Variants in RASSF3 observed in about 807,000 individuals in gnomAD.
RASSF3 encodes the protein Ras association domain family member 3, also known as ras association domain-containing protein 3.
In RASSF3, 19 loss-of-function variants were observed where a neutral mutation model predicts 19.9. The ratio of observed to expected loss-of-function variants is 0.96; its 90% CI spans 0.67 to 1.40. The LOEUF (loss-of-function observed/expected upper bound fraction) is 1.40. Among genes scored for constraint, RASSF3 ranks in the 40% most tolerant of loss-of-function variants. The pLI is 0.00. For synonymous variants in RASSF3, 110 were observed against 104.2 expected, an observed-to-expected ratio of 1.06 and a Z score of -0.34; for missense variants, 306 against 289.8, an observed-to-expected ratio of 1.06 and a Z score of -0.41.
chr12:64,665,261 T>C (rs1386803527), intron 1 of RASSF3, among the ~76,000 whole-genome samples: 2 of 152,154 alleles, frequency 1.3e-5, no homozygotes, highest in Non-Finnish European at 2.9e-5. Context: ...TAATTATTAT[T>C]TTGCAAGGCT....
intron 1 of RASSF3, among the ~76,000 whole-genome samples, chr12:64,631,629 T>TGGTGCAA (rs1429836840): frequency 6.6e-6 from 1 of 152,140 alleles, no homozygotes; most frequent in Non-Finnish European, 1.5e-5. Context: ...TGGAGTGCAG[T>TGGTGCAA]GGTGCAATCT....
intron 1 of RASSF3, among the ~76,000 whole-genome samples, chr12:64,625,471 TTCTC>T (rs2136168305): frequency 6.6e-6 from 1 of 152,172 alleles, no homozygotes; most frequent in Non-Finnish European, 1.5e-5. Flanking sequence ...AACTTCCTCT[TTCTC>T]TCTTATCTGC....
chr12:64,639,934 A>G (rs752188414), intron 1 of RASSF3, among the ~76,000 whole-genome samples: 15 of 152,234 alleles, frequency 9.9e-5, no homozygotes, highest in Non-Finnish European at 1.8e-4. Context: ...TTTTGAGGAA[A>G]TGCAACGTGA....
At chr12:64,543,562 C>A (rs1288367051), downstream of RASSF3, among the ~76,000 whole-genome samples, 1 of 107,828 alleles carries the variant, frequency 9.3e-6, no homozygotes, top group Non-Finnish European at 2.2e-5. Context: ...CTGCACGGCC[C>A]GAGCCTCCCC....
At chr12:64,566,925 T>A (rs1393320937) in intron 2 of RASSF3, among the ~76,000 whole-genome samples, 1 of 152,192 alleles carries the variant, frequency 6.6e-6, no homozygotes. Flanking sequence ...GCTGAAGCGA[T>A]TAGGTCCAGA....
In RASSF3 at chr12:64,598,804, A is replaced by C. The variant is rs113014309; in HGVS notation, c.294+57099A>C. Reference sequence around the variant, plus strand: ...TGCACAACGTGCAGGTTTGTTACATATGTATACGTGTACCACGTTGGTGTG... The same window carrying C: ...TGCACAACGTGCAGGTTTGTTACATCTGTATACGTGTACCACGTTGGTGTG... On this transcript the variant is annotated intron_variant, in intron 2 of 5. Transcript: ENST00000637125. Among the ~76,000 whole-genome samples, 1,365 of 151,830 alleles carry C rather than the reference A, an allele frequency of 9.0e-3. 9 individuals are homozygous for C. Among genetic ancestry groups the C allele is most frequent in the Non-Finnish European group, 0.014 (956 of 67,974 alleles).
At chr12:64,548,244 A>G (rs1869102489) in intron 2 of RASSF3, among the ~76,000 whole-genome samples, 1 of 152,182 alleles carries the variant, frequency 6.6e-6, no homozygotes, top group South Asian at 2.1e-4. Flanking sequence ...CAGTGGCGCA[A>G]TCACAGCTCA....
intron 2 of RASSF3, among the ~76,000 whole-genome samples, chr12:64,584,053 T>A (rs1869748585): frequency 6.6e-6 from 1 of 152,214 alleles, no homozygotes; most frequent in Non-Finnish European, 1.5e-5. Context: ...GCTCCATTCC[T>A]GTGCGGTAAT....
At chr12:64,689,696 ATG>A (rs760585253) in intron 3 of RASSF3, among the ~76,000 whole-genome samples, 1 of 150,664 alleles carries the variant, frequency 6.6e-6, no homozygotes, top group Non-Finnish European at 1.5e-5. Flanking sequence ...ATGTCACTGT[ATG>A]TGTGTGTCTA....
chr12:64,599,605 G>A (rs1350174975), intron 2 of RASSF3, among the ~76,000 whole-genome samples: 1 of 152,172 alleles, frequency 6.6e-6, no homozygotes, highest in Admixed American at 6.5e-5. Flanking sequence ...CGAAGGCTGT[G>A]TAGTGTAGTG....
intron 1 of RASSF3, among the ~76,000 whole-genome samples, chr12:64,508,661 G>C (rs1868306761): frequency 6.6e-6 from 1 of 152,106 alleles, no homozygotes; most frequent in Non-Finnish European, 1.5e-5. Context: ...GAGGCGGGCA[G>C]ATCACCTGAG....
rs1302556568 is a variant in RASSF3, at chr12:64,612,569, T to G, written c.111+1826T>G. ...GATCTCACTGCAACCTCAGCTTCCC[T>G]GGTTCAAGCGATTCCCTTGCCTCAG... On this transcript the variant is annotated intron_variant, in intron 1 of 4. Coordinates refer to ENST00000542104, the MANE Select transcript of RASSF3 (RefSeq NM_178169.4). Among the ~76,000 whole-genome samples the G allele has an allele frequency of 3.4e-5, 5 of 145,574 alleles. No homozygotes were observed. In the Admixed American group the frequency reaches 3.6e-4, roughly 10 times the overall value.
At chr12:64,509,295 CA>C (rs1303652895) in intron 1 of RASSF3, among the ~76,000 whole-genome samples, 2 of 151,898 alleles carry the variant, frequency 1.3e-5, no homozygotes, top group African/African-American at 4.8e-5. Context: ...ACTAAAAATA[CA>C]AAAATTAGCC....
intron 3 of RASSF3, among the ~76,000 whole-genome samples, chr12:64,690,625 C>G (rs1690262): frequency 2.0e-5 from 3 of 151,598 alleles, no homozygotes; most frequent in Admixed American, 1.3e-4. Context: ...ATAGGCGGGC[C>G]CCATTATGCC....
intron 2 of RASSF3, among the ~76,000 whole-genome samples, chr12:64,575,324 C>CG (rs1455822109): frequency 6.6e-6 from 1 of 152,078 alleles, no homozygotes; most frequent in Non-Finnish European, 1.5e-5. Flanking sequence ...GAGGCCAAGG[C>CG]GGGCAGATCA....
At chr12:64,618,975 TA>T (rs1270824840) in intron 1 of RASSF3, among the ~76,000 whole-genome samples, 1 of 152,124 alleles carries the variant, frequency 6.6e-6, no homozygotes, top group African/African-American at 2.4e-5. Flanking sequence ...AAATTGCAAT[TA>T]CATGTTGAAA....
chr12:64,576,801 T>G (rs1869602265), intron 2 of RASSF3, among the ~76,000 whole-genome samples: 1 of 142,970 alleles, frequency 7.0e-6, no homozygotes, highest in African/African-American at 2.7e-5. Flanking sequence ...TAGTGAGCCA[T>G]GACTGGGCCA....
intron 1 of RASSF3, among the ~76,000 whole-genome samples, chr12:64,514,312 G>A (rs767276390): frequency 8.2e-5 from 12 of 146,374 alleles, no homozygotes; most frequent in Middle Eastern, 3.7e-3. Context: ...TTAGCCTCCC[G>A]AGTAGCTGGG....
At chr12:64,641,799 G>A (rs1871544201) in intron 1 of RASSF3, among the ~76,000 whole-genome samples, 1 of 151,634 alleles carries the variant, frequency 6.6e-6, no homozygotes. Flanking sequence ...CTAGAGTGCA[G>A]TAGTGTGATC....
Sources: gnomAD v4.1 joint callset for allele counts (sites outside exome capture counted in the v4.1 genomes callset) on GRCh38, gnomAD v4.1.1 for gene constraint, MANE v1.5 for transcripts, NCBI Gene and HGNC (gene_info 2026-07-23, HGNC 2026-07-21) for gene names.